ARHGAP32: variants seen among roughly 807,000 people sequenced by gnomAD.
The protein encoded by ARHGAP32 is rho GTPase-activating protein 32.
A neutral mutation model predicts 186.5 loss-of-function variants in ARHGAP32; 51 were observed. The ratio of observed to expected loss-of-function variants is 0.27; its 90% CI spans 0.22 to 0.35. The LOEUF (loss-of-function observed/expected upper bound fraction) is 0.35. Among genes scored for constraint, ARHGAP32 ranks in the 10% least tolerant of loss-of-function variants. The pLI is 1.00. For synonymous variants in ARHGAP32, 950 were observed against 964.3 expected (o/e 0.99, Z 0.27); for missense variants, 2,186 against 2,623.5 (o/e 0.83, Z 3.64).
intron 20 of ARHGAP32, among the ~76,000 whole-genome samples, chr11:128,975,260 G>C (rs12281750): frequency 6.6e-6 from 1 of 152,162 alleles, no homozygotes; most frequent in Non-Finnish European, 1.5e-5. Flanking sequence ...GAGAGGAAAA[G>C]AACTCAGAAT....
At chr11:129,124,318 G>A (rs1053754479) in intron 3 of ARHGAP32, among the ~76,000 whole-genome samples, 24 of 152,068 alleles carry the variant, frequency 1.6e-4, no homozygotes, top group Admixed American at 3.9e-4. Flanking sequence ...TCCCATTTGT[G>A]CTGCCATGTT....
intron 5 of ARHGAP32, among the ~76,000 whole-genome samples, chr11:129,115,484 C>T (rs1011746003): frequency 2.6e-5 from 4 of 152,116 alleles, no homozygotes; most frequent in African/African-American, 7.2e-5. Context: ...ATAAAGTAAC[C>T]GATGTGCTCA....
At chr11:129,110,152 C>T (rs114198314) in intron 5 of ARHGAP32, among the ~76,000 whole-genome samples, 44 of 152,196 alleles carry the variant, frequency 2.9e-4, no homozygotes, top group African/African-American at 9.9e-4. Flanking sequence ...TTTCATTCTT[C>T]TACATGTGGA....
intron 1 of ARHGAP32, among the ~76,000 whole-genome samples, chr11:129,179,093 A>C (rs1445641447): frequency 6.6e-6 from 1 of 151,878 alleles, no homozygotes; most frequent in African/African-American, 2.4e-5. Context: ...AAACAAATTT[A>C]CAAGAAAAAA....
chr11:129,007,347 C>T (rs1197688448), intron 11 of ARHGAP32, among the ~76,000 whole-genome samples: 1 of 152,002 alleles, frequency 6.6e-6, no homozygotes, highest in African/African-American at 2.4e-5. Flanking sequence ...GCCAGCATAT[C>T]TCAGAGTCTC....
chr11:129,007,753 A>C (rs1483467916), intron 11 of ARHGAP32, among the ~76,000 whole-genome samples: 2 of 152,156 alleles, frequency 1.3e-5, no homozygotes. Flanking sequence ...GTGCCCCTCA[A>C]GTCCATTGGC....
chr11:129,190,368 C>T (rs577723657), intron 1 of ARHGAP32, among the ~76,000 whole-genome samples: 146 of 152,296 alleles, frequency 9.6e-4, no homozygotes, highest in African/African-American at 3.4e-3. Flanking sequence ...CTCTTTGTTA[C>T]ATTTGTAAAT....
intron 5 of ARHGAP32, among the ~76,000 whole-genome samples, chr11:129,114,236 C>A (rs914477478): frequency 6.6e-5 from 10 of 152,082 alleles, no homozygotes; most frequent in Middle Eastern, 3.2e-3. Context: ...AATGAAAACA[C>A]AAGCACCTTT....
intron 5 of ARHGAP32, among the ~76,000 whole-genome samples, chr11:129,111,999 G>A (rs1314508581): frequency 6.6e-6 from 1 of 152,122 alleles, no homozygotes; most frequent in Non-Finnish European, 1.5e-5. Flanking sequence ...CTGGCCTGAA[G>A]TGATCTGCCT....
intron 1 of ARHGAP32, among the ~76,000 whole-genome samples, chr11:129,201,883 T>C (rs1944459904): frequency 6.6e-6 from 1 of 152,048 alleles, no homozygotes; most frequent in Non-Finnish European, 1.5e-5. Flanking sequence ...CTCAGGAAGC[T>C]GAAGTGGGAG....
chr11:129,212,862 T>C (rs891971717), intron 1 of ARHGAP32, among the ~76,000 whole-genome samples: 2 of 151,892 alleles, frequency 1.3e-5, no homozygotes, highest in African/African-American at 4.8e-5. Flanking sequence ...AGTTTTTTTT[T>C]AAATTGTGAT....
chr11:129,152,658 C>T (rs950138270), intron 2 of ARHGAP32, among the ~76,000 whole-genome samples: 1 of 152,074 alleles, frequency 6.6e-6, no homozygotes, highest in African/African-American at 2.4e-5. Context: ...TCAACAGACA[C>T]AGAACTAGCA....
At chr11:129,267,704 T>C (rs1945422436) in intron 1 of ARHGAP32, among the ~76,000 whole-genome samples, 1 of 152,236 alleles carries the variant, frequency 6.6e-6, no homozygotes, top group African/African-American at 2.4e-5. Context: ...GTCCGTTTAG[T>C]ACTGCCATAA....
At chr11:129,114,296 T>A (rs1942304962) in intron 5 of ARHGAP32, among the ~76,000 whole-genome samples, 1 of 152,182 alleles carries the variant, frequency 6.6e-6, no homozygotes, top group Non-Finnish European at 1.5e-5. Flanking sequence ...TATCTCTGCA[T>A]ATCCAAATTC....
chr11:129,080,087 G>A (rs1941177301), intron 6 of ARHGAP32, among the ~76,000 whole-genome samples: 1 of 152,122 alleles, frequency 6.6e-6, no homozygotes, highest in Non-Finnish European at 1.5e-5. Context: ...TAACACTGGA[G>A]CTCTCAAATT....
At chr11:129,224,135 G>C (rs1361073525) in intron 1 of ARHGAP32, among the ~76,000 whole-genome samples, 1 of 152,194 alleles carries the variant, frequency 6.6e-6, no homozygotes, top group African/African-American at 2.4e-5. Context: ...AAGCAGTAAA[G>C]ACAACAGATG....
chr11:129,104,089 C>A (rs961742598), intron 5 of ARHGAP32, among the ~76,000 whole-genome samples: 2 of 151,934 alleles, frequency 1.3e-5, no homozygotes, highest in African/African-American at 4.8e-5. Context: ...CCTAAACTAT[C>A]ATGTAAAAAT....
chr11:129,146,813 T>A (rs1475287352), intron 2 of ARHGAP32, among the ~76,000 whole-genome samples: 1 of 152,058 alleles, frequency 6.6e-6, no homozygotes, highest in Non-Finnish European at 1.5e-5. Flanking sequence ...TCTGATGTCA[T>A]AACACAAATC....
intron 10 of ARHGAP32, among the ~76,000 whole-genome samples, chr11:129,057,408 A>G (rs192862726): frequency 6.6e-6 from 1 of 152,226 alleles, no homozygotes; most frequent in Admixed American, 6.5e-5. Flanking sequence ...AGGTGCCTTC[A>G]GGCCAGCCCT....
Sources: gnomAD v4.1 joint callset for allele counts (sites outside exome capture counted in the v4.1 genomes callset) on GRCh38, gnomAD v4.1.1 for gene constraint, MANE v1.5 for transcripts, NCBI Gene and HGNC (gene_info 2026-07-23, HGNC 2026-07-21) for gene names.